ADAMTS12: variants seen among roughly 807,000 people sequenced by gnomAD.
ADAMTS12 encodes the protein A disintegrin and metalloproteinase with thrombospondin motifs 12.
A neutral mutation model predicts 167.8 loss-of-function variants in ADAMTS12; 118 were observed. The ratio of observed to expected loss-of-function variants is 0.70; its 90% CI spans 0.61 to 0.82. The LOEUF (loss-of-function observed/expected upper bound fraction) is 0.82, where lower values mean the gene tolerates loss of function less well. ADAMTS12 is among the 40% of genes least tolerant of loss of function. The probability of loss-of-function intolerance (pLI) is 0.00; values close to 1 mark genes in which losing one functional copy is unlikely to be tolerated. For missense variants in ADAMTS12, 1,916 were observed against 1,998.8 expected (o/e 0.96, Z 0.79); for synonymous variants, 704 against 716.9 (o/e 0.98, Z 0.29).
At chr5:33,700,545 G>C (rs4866375) in intron 3 of ADAMTS12, among the ~76,000 whole-genome samples, 25,846 of 152,174 alleles carry the variant, frequency 0.17, 2,289 homozygotes, top group East Asian at 0.27. Context: ...GGCATGGTAG[G>C]GAGGTGGGTA....
At chr5:33,700,229 T>G (rs1421395665) in intron 3 of ADAMTS12, among the ~76,000 whole-genome samples, 1 of 152,226 alleles carries the variant, frequency 6.6e-6, no homozygotes, top group African/African-American at 2.4e-5. Flanking sequence ...TGGAGACTTA[T>G]GTCCACATAA....
intron 2 of ADAMTS12, among the ~76,000 whole-genome samples, chr5:33,752,303 G>C (rs1331603013): frequency 6.6e-6 from 1 of 152,172 alleles, no homozygotes; most frequent in African/African-American, 2.4e-5. Flanking sequence ...CTTTGCCAAT[G>C]ATCTCCTAAG....
intron 9 of ADAMTS12, among the ~76,000 whole-genome samples, chr5:33,644,172 C>T (rs1232562194): frequency 3.3e-5 from 5 of 152,164 alleles, no homozygotes; most frequent in Non-Finnish European, 7.4e-5. Flanking sequence ...ATATTTTAAG[C>T]CATTTTAGAA....
At chr5:33,614,929 C>G (rs182214736) in intron 15 of ADAMTS12, among the ~76,000 whole-genome samples, 1 of 152,092 alleles carries the variant, frequency 6.6e-6, no homozygotes, top group African/African-American at 2.4e-5. Flanking sequence ...TGTTGTCTTA[C>G]GATGGCTTTC....
chr5:33,779,047 C>T (rs935629151), intron 2 of ADAMTS12, among the ~76,000 whole-genome samples: 1 of 151,948 alleles, frequency 6.6e-6, no homozygotes, highest in African/African-American at 2.4e-5. Flanking sequence ...AACCCTTGCA[C>T]GCTGTTAGTG....
At chr5:33,652,554 A>G (rs569945290) in intron 7 of ADAMTS12, among the ~76,000 whole-genome samples, 98 of 152,056 alleles carry the variant, frequency 6.4e-4, no homozygotes, top group Non-Finnish European at 9.7e-4. Flanking sequence ...TATAGTTTAC[A>G]TATGTTTTCT....
At chr5:33,800,140 T>C (rs1746943991) in intron 2 of ADAMTS12, among the ~76,000 whole-genome samples, 1 of 152,202 alleles carries the variant, frequency 6.6e-6, no homozygotes, top group African/African-American at 2.4e-5. Flanking sequence ...ACTCATTCAG[T>C]AGACTTATAT....
chr5:33,699,915 T>C (rs1425432599), intron 3 of ADAMTS12, among the ~76,000 whole-genome samples: 2 of 152,134 alleles, frequency 1.3e-5, no homozygotes, highest in East Asian at 3.9e-4. Context: ...GAAGAGGATA[T>C]CCAGATGTCA....
chr5:33,705,302 T>TGTGTGTGC (rs1491430613), intron 3 of ADAMTS12, among the ~76,000 whole-genome samples: 13 of 147,538 alleles, frequency 8.8e-5, no homozygotes, highest in African/African-American at 3.2e-4. Flanking sequence ...TGTGTGTGTG[T>TGTGTGTGC]GCGTGTATAC....
chr5:33,668,156 G>GT (rs1741538333), intron 5 of ADAMTS12, among the ~76,000 whole-genome samples: 1 of 152,088 alleles, frequency 6.6e-6, no homozygotes, highest in South Asian at 2.1e-4. Context: ...ACCGAATATT[G>GT]TAACTTAGCA....
At chr5:33,582,131 A>T (rs1277009147) in intron 18 of ADAMTS12, among the ~76,000 whole-genome samples, 1 of 152,178 alleles carries the variant, frequency 6.6e-6, no homozygotes, top group Non-Finnish European at 1.5e-5. Context: ...GAGCTAAGAT[A>T]ATAAAAAAAA....
At chr5:33,872,981 G>A (rs1750096266) in intron 2 of ADAMTS12, among the ~76,000 whole-genome samples, 1 of 152,094 alleles carries the variant, frequency 6.6e-6, no homozygotes, top group South Asian at 2.1e-4. Flanking sequence ...ATACTTATGA[G>A]AATCTAGAAG....
At chr5:33,585,079 ATC>A (rs1561146480) in intron 18 of ADAMTS12, among the ~76,000 whole-genome samples, 1 of 144,236 alleles carries the variant, frequency 6.9e-6, no homozygotes, top group African/African-American at 2.5e-5. Context: ...CCATCCATCC[ATC>A]CCTCCAAGGA....
At chr5:33,773,407 T>C (rs1745815850) in intron 2 of ADAMTS12, among the ~76,000 whole-genome samples, 1 of 152,182 alleles carries the variant, frequency 6.6e-6, no homozygotes. Flanking sequence ...ATGAGTGCAC[T>C]ATGTTCTTTA....
At chr5:33,779,254 T>C (rs74625313) in intron 2 of ADAMTS12, among the ~76,000 whole-genome samples, 56,028 of 150,712 alleles carry the variant, frequency 0.37, 11,863 homozygotes, top group East Asian at 0.58. Flanking sequence ...GGTACAATCT[T>C]GGCTCACTGC....
chr5:33,803,922 G>A (rs1006585875), intron 2 of ADAMTS12, among the ~76,000 whole-genome samples: 1 of 152,152 alleles, frequency 6.6e-6, no homozygotes, highest in Non-Finnish European at 1.5e-5. Context: ...GGTGAGATTC[G>A]GGTGGGGACA....
At chr5:33,852,525 G>A (rs1455461473) in intron 2 of ADAMTS12, among the ~76,000 whole-genome samples, 7 of 152,154 alleles carry the variant, frequency 4.6e-5, no homozygotes, top group African/African-American at 7.2e-5. Context: ...AAATGCGGCC[G>A]TTTAGTATGA....
chr5:33,737,195 C>A (rs1365603182), intron 3 of ADAMTS12, among the ~76,000 whole-genome samples: 1 of 152,200 alleles, frequency 6.6e-6, no homozygotes, highest in Non-Finnish European at 1.5e-5. Context: ...TGTTGGGAAG[C>A]AGTGTGCTGT....
intron 2 of ADAMTS12, among the ~76,000 whole-genome samples, chr5:33,831,037 ACT>A (rs1748278976): frequency 6.6e-6 from 1 of 152,062 alleles, no homozygotes; most frequent in African/African-American, 2.4e-5. Context: ...CTACAAACAG[ACT>A]CTTAATTTAT....
Sources: gnomAD v4.1 joint callset for allele counts (sites outside exome capture counted in the v4.1 genomes callset) on GRCh38, gnomAD v4.1.1 for gene constraint, MANE v1.5 for transcripts, NCBI Gene and HGNC (gene_info 2026-07-23, HGNC 2026-07-21) for gene names.